Variants in TMEM120B observed in about 807,000 individuals in gnomAD.
TMEM120B encodes the protein transmembrane protein 120B.
In TMEM120B, 31 loss-of-function variants were observed where a neutral mutation model predicts 55.5. That is an observed-to-expected ratio of 0.56 (90% CI 0.42 to 0.75). TMEM120B has a LOEUF of 0.75. Ranked by LOEUF, TMEM120B falls within the 30% of genes least tolerant of loss-of-function variation. The pLI is 0.00. For missense variants in TMEM120B, 399 were observed against 425.5 expected (o/e 0.94, Z 0.55); for synonymous variants, 203 against 176.3 (o/e 1.15, Z -1.20).
At chr12:121,725,228 ACTGT>A (rs1222258996) in intron 1 of TMEM120B, among the ~76,000 whole-genome samples, 2 of 152,190 alleles carry the variant, frequency 1.3e-5, no homozygotes, top group East Asian at 3.9e-4. Flanking sequence ...TTCTTCCACA[ACTGT>A]CTATCAGTGC....
Position 121,781,096 on chromosome 12 carries a change from T to C in TMEM120B, c.*5374T>C. ...GGCCGGCCTCACCTTGATGAGGACGTTGTCGTAGCTGGTGGGATTCATGAC... is the reference window on the plus strand; with the variant it reads ...GGCCGGCCTCACCTTGATGAGGACGCTGTCGTAGCTGGTGGGATTCATGAC... On this transcript the variant is annotated 3_prime_UTR_variant, in exon 12 of 12. Transcript: ENST00000449592. 6.2e-7 allele frequency: 1 copy of C among 1,614,162 alleles called. No homozygotes were observed. Among genetic ancestry groups the C allele is most frequent in the Non-Finnish European group, 8.5e-7 (1 of 1,180,000 alleles).
chr12:121,773,375 C>T (rs1214601517), intron 8 of TMEM120B, 46 bp from the exon 9 acceptor site: 1 of 1,552,858 alleles, frequency 6.4e-7, no homozygotes, highest in Non-Finnish European at 8.8e-7. Flanking sequence ...GCCCTGTCTT[C>T]CGGGGACACC....
intron 6 of TMEM120B, among the ~76,000 whole-genome samples, chr12:121,765,385 C>T (rs1324810031): frequency 6.6e-6 from 1 of 152,150 alleles, no homozygotes; most frequent in African/African-American, 2.4e-5. Context: ...TCACCTCGGC[C>T]TTCTGAAGTG....
Position 121,779,674 on chromosome 12 carries a change from G to A in TMEM120B, c.*3952G>A, listed in dbSNP as rs752712224. ...CAGGCGCTCAGGCCCTGGGTGGGGG[G>A]AGGAGCCAGCATTAGGTGAGGGGCC... On this transcript the variant is annotated 3_prime_UTR_variant, in exon 12 of 12. Coordinates refer to ENST00000449592, the MANE Select transcript of TMEM120B (RefSeq NM_001080825.2). The A allele has an allele frequency of 1.2e-6, 2 of 1,613,434 alleles. No individual in the cohort carries two copies. Among genetic ancestry groups the A allele is most frequent in the Non-Finnish European group, 1.7e-6 (2 of 1,179,712 alleles).
chr12:121,745,491 A>C (rs962690306), intron 2 of TMEM120B, among the ~76,000 whole-genome samples: 14 of 151,582 alleles, frequency 9.2e-5, no homozygotes, highest in African/African-American at 2.9e-4. Flanking sequence ...CCCGGGTTCA[A>C]GCAATTCTTC....
chr12:121,721,103 C>T lies in TMEM120B; in HGVS notation c.69+8139C>T, dbSNP rs534593499. Among the ~76,000 whole-genome samples, 6 of 152,270 alleles carry T rather than the reference C, an allele frequency of 3.9e-5. No homozygotes were observed. The East Asian group carries it at 9.6e-4, about 24-fold the overall frequency. ...CTTGCTTGTTTGTGTCTTCTACATG[C>T]GGAGGATGGTAATTAGACAAGTAGG... is the stretch of plus-strand genomic sequence containing the variant. On this transcript the variant is annotated intron_variant, in intron 1 of 11. Coordinates refer to ENST00000449592, the MANE Select transcript of TMEM120B (RefSeq NM_001080825.2).
intron 6 of TMEM120B, among the ~76,000 whole-genome samples, chr12:121,762,335 C>G (rs1228913353): frequency 3.9e-5 from 6 of 151,998 alleles, no homozygotes; most frequent in South Asian, 4.2e-4. Context: ...TCCAAGTGCT[C>G]TCCGTCTCTC....
chr12:121,760,259 C>T (rs1218389675), intron 5 of TMEM120B, among the ~76,000 whole-genome samples: 2 of 151,466 alleles, frequency 1.3e-5, no homozygotes, highest in Non-Finnish European at 2.9e-5. Context: ...GCCAAGATTG[C>T]GCCACTGCAC....
Position 121,774,705 on chromosome 12 carries a change from T to C in TMEM120B, c.820T>C (p.Phe274Leu). Residue 274 changes from phenylalanine (F) to leucine (L), a missense_variant, in exon 10 of 12, where the codon TTC becomes CTC. Transcript: ENST00000449592. ...GCGGGGCCTCACCTTTCTCCTGCCC[T>C]TCCTCTTCTGTGGCCATGTGAGTCC... ...MWRGLTFLLP[F>L]LFCGHFWQLY... 1 of 1,613,954 alleles carries C rather than the reference T, an allele frequency of 6.2e-7. No homozygotes were observed. The highest frequency in any genetic ancestry group is 8.5e-7 in the Non-Finnish European group (1 of 1,179,870).
intron 1 of TMEM120B, among the ~76,000 whole-genome samples, chr12:121,731,473 T>G (rs1163511937): frequency 5.9e-5 from 9 of 152,174 alleles, no homozygotes; most frequent in Non-Finnish European, 1.3e-4. Flanking sequence ...CAGGCTGGTT[T>G]CAAACTCCTG....
At chr12:121,750,241 C>A in intron 3 of TMEM120B, 139 bp from the exon 4 acceptor site, 1 of 764,408 alleles carries the variant, frequency 1.3e-6, no homozygotes, top group Non-Finnish European at 2.3e-6. Context: ...ATGTGGGGGC[C>A]CATTTGCCCG....
In TMEM120B at chr12:121,750,415, T is replaced by G. The variant is rs752177749; in HGVS notation, c.341T>G (p.Val114Gly). ...AACCTGGTCCTCGGCAATGTGAACG[T>G]GACCCTCCTCAGCAACCAGGCCAAG... ...YLNLVLGNVN[V>G]TLLSNQAKFA... Residue 114 changes from valine (V) to glycine (G), a missense_variant, in exon 4 of 12, where the codon GTG becomes GGG. Around this residue, in one of 3 missense-constraint regions of TMEM120B, gnomAD observed 260 missense variants for 303.9 expected, o/e 0.86. Transcript: ENST00000449592. The G allele has an allele frequency of 3.1e-6, 5 of 1,612,326 alleles. No homozygotes were observed. Among genetic ancestry groups the G allele is most frequent in the Non-Finnish European group, 4.2e-6 (5 of 1,179,198 alleles).
rs1036331386 is a variant in TMEM120B at position 121,776,106 on chromosome 12, C to T, written c.*384C>T. On this transcript the variant is annotated 3_prime_UTR_variant, in exon 12 of 12. Transcript: ENST00000449592. ...CCTCGCGGGGTTGGATTTATGCTGACCTGCTACTTACCAGGCCCAGGCTGG... is the reference window on the plus strand; with the variant it reads ...CCTCGCGGGGTTGGATTTATGCTGATCTGCTACTTACCAGGCCCAGGCTGG... The T allele has an allele frequency of 1.1e-4, 53 of 488,578 alleles. 1 individual carries two copies. In the South Asian group the frequency reaches 1.8e-3, roughly 16 times the overall value. 30.3% of individuals were successfully genotyped at this position (488,578 alleles called of 1,614,324 possible).
chr12:121,726,497 T>G lies in TMEM120B; in HGVS notation c.69+13533T>G, dbSNP rs1229073495. Among the ~76,000 whole-genome samples the G allele has an allele frequency of 3.3e-5, 5 of 150,422 alleles. No homozygotes were observed. In the South Asian group the frequency reaches 1.0e-3, roughly 32 times the overall value. ...GGGAGGCTGATGCAGGAGAAAGGCA[T>G]GAACCTGGGAGGCGGAGCTTGCAGT... On this transcript the variant is annotated intron_variant, in intron 1 of 11. Transcript: ENST00000449592.
chr12:121,753,000 T>G (rs890854010), intron 5 of TMEM120B, among the ~76,000 whole-genome samples: 12 of 152,036 alleles, frequency 7.9e-5, no homozygotes, highest in Non-Finnish European at 1.5e-4. Flanking sequence ...CTCAGCACTT[T>G]GGGAGGCTGA....
intron 1 of TMEM120B, among the ~76,000 whole-genome samples, chr12:121,724,871 A>G (rs1488191015): frequency 6.6e-6 from 1 of 152,090 alleles, no homozygotes; most frequent in Non-Finnish European, 1.5e-5. Context: ...TGGCCTCCCA[A>G]AGTGCTGGGA....
intron 1 of TMEM120B, among the ~76,000 whole-genome samples, chr12:121,727,992 C>T (rs1160387002): frequency 6.6e-6 from 1 of 151,244 alleles, no homozygotes; most frequent in South Asian, 2.1e-4. Flanking sequence ...CCATATTAAT[C>T]TGATTTTTGA....
chr12:121,758,319 C>T, intron 5 of TMEM120B: 2 of 985,510 alleles, frequency 2.0e-6, no homozygotes, highest in Non-Finnish European at 1.2e-6. Context: ...GTCTGCCGGC[C>T]CTCCATGCTG....
intron 7 of TMEM120B, 104 bp downstream of exon 7, chr12:121,771,076 A>G: frequency 2.3e-6 from 3 of 1,284,748 alleles, no homozygotes; most frequent in Non-Finnish European, 3.3e-6. Context: ...GGTGTGCTCC[A>G]GGGCCAACTT....
Sources: allele counts gnomAD v4.1 joint callset (sites outside exome capture counted in the v4.1 genomes callset), GRCh38; gene constraint gnomAD v4.1.1; regional missense constraint gnomAD v4.1.1; transcripts MANE v1.5; gene names NCBI Gene and HGNC (gene_info 2026-07-23, HGNC 2026-07-21).